TNFSF4: variants seen among roughly 807,000 people sequenced by gnomAD.
The protein encoded by TNFSF4 is TNF superfamily member 4, also known as tumor necrosis factor ligand superfamily member 4.
In TNFSF4, 4 loss-of-function variants were observed where a neutral mutation model predicts 7.3. The ratio of observed to expected loss-of-function variants is 0.55; its 90% CI spans 0.27 to 1.25. The LOEUF (loss-of-function observed/expected upper bound fraction) is 1.25, where lower values mean the gene tolerates loss of function less well. TNFSF4 is among the 50% of genes most tolerant of loss of function. TNFSF4 has a pLI of 0.12. For synonymous variants in TNFSF4, 76 were observed against 83.7 expected, an observed-to-expected ratio of 0.91 and a Z score of 0.50; for missense variants, 181 against 208.8, an observed-to-expected ratio of 0.87 and a Z score of 0.82.
At chr1:173,308,147 C>G in the TNFSF4 span, among the ~76,000 whole-genome samples, 1 of 151,844 alleles carries the variant, frequency 6.6e-6, no homozygotes, top group East Asian at 1.9e-4. Flanking sequence ...ATATCTTCTA[C>G]TCTGTGATTA....
At chr1:173,428,583 A>G in the TNFSF4 span, among the ~76,000 whole-genome samples, 5 of 152,380 alleles carry the variant, frequency 3.3e-5, no homozygotes, top group East Asian at 7.7e-4. Context: ...ATAATTATAA[A>G]TTTAAATACT....
chr1:173,438,318 C>T, the TNFSF4 span, among the ~76,000 whole-genome samples: 2 of 152,130 alleles, frequency 1.3e-5, no homozygotes, highest in Non-Finnish European at 2.9e-5. Flanking sequence ...TTGTTAACTT[C>T]AAGGAAATAG....
chr1:173,400,652 T>A, the TNFSF4 span, among the ~76,000 whole-genome samples: 225 of 152,338 alleles, frequency 1.5e-3, no homozygotes, highest in African/African-American at 5.1e-3. Context: ...GATTGATCTT[T>A]ACTCCCAAGG....
the TNFSF4 span, chr1:173,440,350 T>G: frequency 1.3e-5 from 2 of 152,214 alleles, no homozygotes; most frequent in African/African-American, 4.8e-5. Flanking sequence ...ACAGTATGTA[T>G]TAATTTCTAA....
chr1:173,352,377 G>A, the TNFSF4 span, among the ~76,000 whole-genome samples: 16 of 152,280 alleles, frequency 1.1e-4, no homozygotes, highest in South Asian at 2.7e-3. Context: ...TTCAACGTAC[G>A]TTATTTTCTA....
the TNFSF4 span, among the ~76,000 whole-genome samples, chr1:173,348,381 G>C: frequency 3.3e-5 from 5 of 152,138 alleles, no homozygotes; most frequent in Non-Finnish European, 7.4e-5. Flanking sequence ...ATGATTGTGA[G>C]GCCTCCTCAG....
chr1:173,231,315 CA>C, the TNFSF4 span, among the ~76,000 whole-genome samples: 1 of 152,286 alleles, frequency 6.6e-6, no homozygotes, highest in African/African-American at 2.4e-5. Flanking sequence ...AAACATATTC[CA>C]GCATATAAAC....
the TNFSF4 span, among the ~76,000 whole-genome samples, chr1:173,444,611 T>A: frequency 6.6e-6 from 1 of 152,112 alleles, no homozygotes; most frequent in Non-Finnish European, 1.5e-5. Context: ...TACATAAAAC[T>A]GACTCTTTCA....
At chr1:173,293,473 T>C in the TNFSF4 span, among the ~76,000 whole-genome samples, 2 of 152,090 alleles carry the variant, frequency 1.3e-5, no homozygotes, top group African/African-American at 4.8e-5. Flanking sequence ...CAACCCAAGA[T>C]AAATTAAAGA....
chr1:173,187,365 C>A (rs887059515), intron 2 of TNFSF4, among the ~76,000 whole-genome samples: 4 of 152,196 alleles, frequency 2.6e-5, no homozygotes, highest in Non-Finnish European at 4.4e-5. Context: ...CATGCCTTAG[C>A]CCTGCACACT....
chr1:173,317,147 C>A, the TNFSF4 span, among the ~76,000 whole-genome samples: 1 of 152,198 alleles, frequency 6.6e-6, no homozygotes, highest in Non-Finnish European at 1.5e-5. Flanking sequence ...GACCACTGTG[C>A]TGGAGAAGCC....
chr1:173,259,839 A>C, the TNFSF4 span, among the ~76,000 whole-genome samples: 53 of 152,198 alleles, frequency 3.5e-4, no homozygotes, highest in African/African-American at 1.2e-3. Context: ...GAACTAGGGG[A>C]TTATGTAAAA....
At chr1:173,203,258 C>G (rs1217191324) in intron 1 of TNFSF4, among the ~76,000 whole-genome samples, 1 of 151,894 alleles carries the variant, frequency 6.6e-6, no homozygotes, top group Non-Finnish European at 1.5e-5. Flanking sequence ...GTTTTCTTAT[C>G]TGTAAATAGA....
chr1:173,203,284 GC>G (rs5778749), intron 1 of TNFSF4, among the ~76,000 whole-genome samples: 16,297 of 152,030 alleles, frequency 0.11, 1,030 homozygotes, highest in African/African-American at 0.16. Flanking sequence ...TCTAATACCT[GC>G]CCCCAAATTC....
chr1:173,275,226 C>G, the TNFSF4 span, among the ~76,000 whole-genome samples: 1 of 152,218 alleles, frequency 6.6e-6, no homozygotes, highest in Non-Finnish European at 1.5e-5. Flanking sequence ...CTGGGCAGAT[C>G]CTGCACACAC....
chr1:173,242,200 G>T, the TNFSF4 span, among the ~76,000 whole-genome samples: 1 of 152,110 alleles, frequency 6.6e-6, no homozygotes, highest in South Asian at 2.1e-4. Context: ...TTTTCCCGAG[G>T]ATAAAGTTAG....
chr1:173,339,431 G>T, the TNFSF4 span, among the ~76,000 whole-genome samples: 7 of 151,942 alleles, frequency 4.6e-5, no homozygotes, highest in Admixed American at 4.6e-4. Flanking sequence ...ATTCTGAATG[G>T]GTAGTGAAAG....
At chr1:173,361,743 A>G in the TNFSF4 span, among the ~76,000 whole-genome samples, 1 of 152,208 alleles carries the variant, frequency 6.6e-6, no homozygotes, top group Admixed American at 6.5e-5. Context: ...CCTTGGGTCT[A>G]CGGACTCACT....
the TNFSF4 span, among the ~76,000 whole-genome samples, chr1:173,278,035 A>T: frequency 6.6e-6 from 1 of 152,078 alleles, no homozygotes; most frequent in Non-Finnish European, 1.5e-5. Context: ...AAATTCAATA[A>T]CCAACAAGAT....
Sources: allele counts gnomAD v4.1 joint callset (sites outside exome capture counted in the v4.1 genomes callset), GRCh38; gene constraint gnomAD v4.1.1; transcripts MANE v1.5; gene names NCBI Gene and HGNC (gene_info 2026-07-23, HGNC 2026-07-21).